Variants in BCCIP observed in about 807,000 individuals in gnomAD.
BCCIP encodes BRCA2 and CDKN1A-interacting protein.
A neutral mutation model predicts 32.8 loss-of-function variants in BCCIP; 23 were observed. The ratio of observed to expected loss-of-function variants is 0.70; its 90% confidence interval spans 0.51 to 0.99. BCCIP has a LOEUF of 0.99. Ranked by LOEUF, BCCIP falls within the 50% of genes least tolerant of loss-of-function variation. BCCIP has a pLI of 0.00. For missense variants in BCCIP, 378 were observed against 379.8 expected (o/e 1.00, Z 0.04); for synonymous variants, 144 against 137.6 (o/e 1.05, Z -0.33).
intron 6 of BCCIP, among the ~76,000 whole-genome samples, chr10:125,835,134 G>GA (rs1054227710): frequency 9.0e-5 from 13 of 144,720 alleles, no homozygotes; most frequent in South Asian, 2.2e-4. Flanking sequence ...CTCTGTCTCA[G>GA]AAAAAAAAAA....
exon 7 of BCCIP, chr10:125,841,952 T>A (rs1270123388): frequency 3.8e-6 from 6 of 1,568,964 alleles, no homozygotes; most frequent in Middle Eastern, 1.7e-4. Context: ...AGGAAAAAAA[T>A]AATAATTTAA....
downstream of BCCIP, among the ~76,000 whole-genome samples, chr10:125,843,942 G>C (rs114648171): frequency 1.3e-5 from 2 of 152,162 alleles, no homozygotes; most frequent in African/African-American, 4.8e-5. Context: ...CAAATATGTT[G>C]AATTTCCCTA....
downstream of BCCIP, chr10:125,838,396 C>T: frequency 1.3e-6 from 2 of 1,549,628 alleles, no homozygotes; most frequent in Middle Eastern, 1.7e-4. Flanking sequence ...ATCTGAAAGG[C>T]AGAATTTTAA....
intron 6 of BCCIP, 102 bp from the exon 7 acceptor site, chr10:125,835,996 CATTCTT>C: frequency 2.0e-6 from 2 of 1,005,346 alleles, no homozygotes; most frequent in Non-Finnish European, 2.9e-6. Context: ...TTTTAGCTCT[CATTCTT>C]ATTTAAGCAT....
At chr10:125,838,104 A>G (rs1267283759), downstream of BCCIP, 12 of 1,086,742 alleles carry the variant, frequency 1.1e-5, no homozygotes, top group Non-Finnish European at 1.4e-5. Context: ...AGATTGCATC[A>G]GTATAAACTT....
intron 3 of BCCIP, among the ~76,000 whole-genome samples, chr10:125,829,387 A>C (rs1176970864): frequency 6.6e-6 from 1 of 152,162 alleles, no homozygotes; most frequent in African/African-American, 2.4e-5. Flanking sequence ...GTTGTGAAAA[A>C]CACAACAAAC....
intron 1 of BCCIP, among the ~76,000 whole-genome samples, chr10:125,825,282 G>A (rs962658145): frequency 1.7e-5 from 2 of 120,284 alleles, no homozygotes; most frequent in South Asian, 2.7e-4. Context: ...TCCATTTGCC[G>A]CCCATTTCCC....
intron 5 of BCCIP, among the ~76,000 whole-genome samples, chr10:125,832,983 A>T (rs1589696132): frequency 6.6e-6 from 1 of 151,584 alleles, no homozygotes; most frequent in Non-Finnish European, 1.5e-5. Context: ...TTAGCCGGGT[A>T]TGGTGGTGCA....
downstream of BCCIP, among the ~76,000 whole-genome samples, chr10:125,846,489 T>G (rs1461513669): frequency 1.3e-5 from 2 of 152,238 alleles, no homozygotes; most frequent in Non-Finnish European, 2.9e-5. Flanking sequence ...CAGTCTGTTT[T>G]GAGTATCTTG....
chr10:125,829,487 A>G (rs1854475390), intron 3 of BCCIP, among the ~76,000 whole-genome samples: 2 of 152,186 alleles, frequency 1.3e-5, no homozygotes, highest in Non-Finnish European at 2.9e-5. Flanking sequence ...CATGGTTTCT[A>G]CTTCCTGTCC....
At chr10:125,848,238 G>C (rs913774686) in intron 7 of BCCIP, among the ~76,000 whole-genome samples, 1 of 152,194 alleles carries the variant, frequency 6.6e-6, no homozygotes, top group Non-Finnish European at 1.5e-5. Flanking sequence ...ATAGCATTAA[G>C]AGTTGGCTCT....
intron 4 of BCCIP, among the ~76,000 whole-genome samples, chr10:125,831,200 AAT>A (rs1854513352): frequency 1.3e-5 from 2 of 152,226 alleles, no homozygotes; most frequent in East Asian, 1.9e-4. Context: ...TCTGAATGTT[AAT>A]TATGACTCTC....
chr10:125,852,518 T>C (rs775082542), intron 7 of BCCIP: 1 of 1,613,142 alleles, frequency 6.2e-7, no homozygotes, highest in South Asian at 1.1e-5. Context: ...TTGACAACAT[T>C]TAGTATTTGT....
downstream of BCCIP, chr10:125,841,407 A>G (rs749040781): frequency 6.2e-7 from 1 of 1,603,452 alleles, no homozygotes; most frequent in Non-Finnish European, 8.5e-7. Flanking sequence ...GAAATAAAAA[A>G]CAGGCACACA....
intron 7 of BCCIP, among the ~76,000 whole-genome samples, chr10:125,849,186 T>A (rs1161434087): frequency 2.6e-5 from 4 of 152,172 alleles, no homozygotes; most frequent in Non-Finnish European, 1.5e-5. Flanking sequence ...GTTAAATTGC[T>A]GTTTTGTTTT....
intron 7 of BCCIP, among the ~76,000 whole-genome samples, chr10:125,848,548 G>C (rs1944052794): frequency 6.6e-6 from 1 of 152,166 alleles, no homozygotes; most frequent in South Asian, 2.1e-4. Context: ...CTGGCACCTG[G>C]CATGCTCTGC....
intron 7 of BCCIP, among the ~76,000 whole-genome samples, chr10:125,850,393 T>C (rs1436570133): frequency 6.6e-6 from 1 of 150,752 alleles, no homozygotes; most frequent in Non-Finnish European, 1.5e-5. Context: ...GTTTTGCTCT[T>C]GTTGCCCAGG....
intron 3 of BCCIP, among the ~76,000 whole-genome samples, chr10:125,829,715 C>T (rs1353211728): frequency 6.6e-6 from 1 of 152,208 alleles, no homozygotes; most frequent in Non-Finnish European, 1.5e-5. Context: ...AGCAGACCAC[C>T]TGCCCTTTCA....
chr10:125,831,796 T>A lies in BCCIP; in HGVS notation c.599+189T>A, dbSNP rs143689174. 1,440 of 473,126 alleles carry A rather than the reference T, an allele frequency of 3.0e-3. 22 individuals are homozygous for A. Among genetic ancestry groups the A allele is most frequent in the African/African-American group, 0.024 (1,268 of 51,878 alleles). The allele number at this position is 473,126 out of a possible 1,614,324, so 29.3% of individuals were successfully genotyped here. ...TATTAACAACTGGCTTTTTGAAGAG[T>A]TTGTGACAATAATCATGAAATTTTA... On this transcript the variant is annotated intron_variant, in intron 5 of 6. Coordinates refer to ENST00000278100, the MANE Select transcript of BCCIP (RefSeq NM_078468.3).
Sources: allele counts gnomAD v4.1 joint callset (sites outside exome capture counted in the v4.1 genomes callset), GRCh38; gene constraint gnomAD v4.1.1; transcripts MANE v1.5; gene names NCBI Gene and HGNC (gene_info 2026-07-23, HGNC 2026-07-21).